Variants in BAZ1A observed in about 807,000 individuals in gnomAD.
BAZ1A encodes the protein bromodomain adjacent to zinc finger domain 1A, also known as bromodomain adjacent to zinc finger domain protein 1A.
BAZ1A carries 50 observed loss-of-function variants against 185.2 expected under a neutral mutation model. The ratio of observed to expected loss-of-function variants is 0.27; its 90% CI spans 0.22 to 0.34. BAZ1A has a LOEUF of 0.34. BAZ1A is among the 10% of genes least tolerant of loss of function. The pLI is 1.00. For synonymous variants in BAZ1A, 571 were observed against 615.6 expected (o/e 0.93, Z 1.07); for missense variants, 1,356 against 1,839.9 (o/e 0.74, Z 4.81).
chr14:34,852,509 C>T (rs2042613397), intron 3 of BAZ1A, among the ~76,000 whole-genome samples: 1 of 152,054 alleles, frequency 6.6e-6, no homozygotes, highest in South Asian at 2.1e-4. Context: ...TTCCCAGCTA[C>T]TTGGGAGGCT....
chr14:34,862,347 CA>C, intron 2 of BAZ1A, 25 bp from the exon 3 acceptor site: 1 of 1,581,342 alleles, frequency 6.3e-7, no homozygotes, highest in Non-Finnish European at 8.6e-7. Context: ...AAAACAAAAA[CA>C]AAAGCCCATT....
At chr14:34,854,289 G>A (rs573371468) in intron 3 of BAZ1A, among the ~76,000 whole-genome samples, 11 of 152,094 alleles carry the variant, frequency 7.2e-5, no homozygotes, top group African/African-American at 1.9e-4. Flanking sequence ...GGTCATGGTG[G>A]TGGATGCCTG....
intron 4 of BAZ1A, among the ~76,000 whole-genome samples, chr14:34,824,043 G>A (rs996280513): frequency 2.0e-5 from 3 of 151,786 alleles, no homozygotes; most frequent in African/African-American, 7.3e-5. Flanking sequence ...GGAAGACATG[G>A]ACAAGTAATA....
Position 34,777,660 on chromosome 14 carries a change from G to A in BAZ1A, c.2237-1145C>T, listed in dbSNP as rs4982210. Among the ~76,000 whole-genome samples the A allele has an allele frequency of 7.0e-3, 937 of 133,608 alleles. 35 individuals carry two copies. Among genetic ancestry groups the A allele is most frequent in the Admixed American group, 0.058 (764 of 13,138 alleles). 87.7% of individuals were successfully genotyped at this position (133,608 alleles called of 152,430 possible). The stretch of plus-strand genomic sequence containing the variant: ...CTCTGTCTCCAAAAAAAAAAAAAAA[G>A]GGAAAATTCCTTTTTAGCTTAGCTT... On this transcript the variant is annotated intron_variant, in intron 17 of 26. Coordinates refer to ENST00000360310, the MANE Select transcript of BAZ1A (RefSeq NM_013448.3).
chr14:34,845,859 C>CAAAA (rs3062591), intron 3 of BAZ1A, among the ~76,000 whole-genome samples: 1 of 115,198 alleles, frequency 8.7e-6, no homozygotes, highest in Admixed American at 8.9e-5. Context: ...GACTCTGTCT[C>CAAAA]AAAAAAAAAA....
At chr14:34,770,287 G>A (rs1489189680) in intron 21 of BAZ1A, among the ~76,000 whole-genome samples, 2 of 152,114 alleles carry the variant, frequency 1.3e-5, no homozygotes, top group Non-Finnish European at 2.9e-5. Context: ...CCAAGTAGCT[G>A]GGATTACAGG....
At chr14:34,812,743 A>G (rs1362186603) in intron 4 of BAZ1A, among the ~76,000 whole-genome samples, 3 of 152,218 alleles carry the variant, frequency 2.0e-5, no homozygotes, top group Non-Finnish European at 4.4e-5. Context: ...GGCAATGAGA[A>G]TAAGATATAA....
At position 34,841,093 on chromosome 14, in the gene BAZ1A, C is replaced by A. The variant is rs367896390; in HGVS notation, c.393-14937G>T. Among the ~76,000 whole-genome samples the A allele has an allele frequency of 7.9e-5, 12 of 152,144 alleles. No individual in the cohort carries two copies. The East Asian group carries it at 1.2e-3, about 15-fold the overall frequency. ...CCTCCCAAGTAGGTGGGATTATAGG[C>A]ACCCGCCATCATGCCCTGCTAATTT... On this transcript the variant is annotated intron_variant, in intron 3 of 26. Transcript: ENST00000360310.
chr14:34,828,560 A>AAAGT (rs978160789), intron 3 of BAZ1A: 1 of 151,740 alleles, frequency 6.6e-6, no homozygotes, highest in Non-Finnish European at 1.5e-5. Flanking sequence ...AAAATGAAAG[A>AAAGT]AGAGATCTTC....
At chr14:34,822,816 G>A (rs1200205049) in intron 4 of BAZ1A, among the ~76,000 whole-genome samples, 1 of 152,094 alleles carries the variant, frequency 6.6e-6, no homozygotes, top group African/African-American at 2.4e-5. Context: ...TGCACCAATG[G>A]AAGTCTTCTT....
chr14:34,771,471 A>G lies in BAZ1A; in HGVS notation c.3301+40T>C, dbSNP rs996716846. Reference sequence around the variant, plus strand: ...GTTAAAGGCCAACTCAAAATTACTTATAACACAACTAATATTTTGAAATAA... The same window carrying G: ...GTTAAAGGCCAACTCAAAATTACTTGTAACACAACTAATATTTTGAAATAA... On this transcript the variant is annotated intron_variant, in intron 21 of 26. Coordinates refer to ENST00000360310, the MANE Select transcript of BAZ1A (RefSeq NM_013448.3). 3.2e-6 allele frequency: 5 copies of G among 1,565,322 alleles called. No individual in the cohort carries two copies. In the African/African-American group the frequency reaches 6.9e-5, roughly 21 times the overall value.
chr14:34,872,941 A>AAAAAAAAAAAAAAAAC (rs1555346584), intron 2 of BAZ1A, among the ~76,000 whole-genome samples: 4 of 122,680 alleles, frequency 3.3e-5, no homozygotes, highest in African/African-American at 1.3e-4. Flanking sequence ...AAAAAAAAAA[A>AAAAAAAAAAAAAAAAC]CTTGTCCAAT....
chr14:34,790,699 G>A (rs954346403), intron 12 of BAZ1A, among the ~76,000 whole-genome samples: 1 of 152,060 alleles, frequency 6.6e-6, no homozygotes, highest in Non-Finnish European at 1.5e-5. Context: ...TGTCGCCCAG[G>A]CTAAATATTT....
intron 7 of BAZ1A, among the ~76,000 whole-genome samples, chr14:34,802,475 A>G (rs1313802932): frequency 6.6e-6 from 1 of 152,216 alleles, no homozygotes; most frequent in Non-Finnish European, 1.5e-5. Flanking sequence ...TACAGGCAAG[A>G]GCCACTGTGC....
intron 4 of BAZ1A, among the ~76,000 whole-genome samples, chr14:34,820,157 T>G (rs1375917941): frequency 3.1e-5 from 4 of 130,538 alleles, no homozygotes; most frequent in Non-Finnish European, 6.4e-5. Flanking sequence ...AGACAGGGTC[T>G]GGCTTTGTCA....
At chr14:34,803,623 T>G (rs1881696821) in intron 6 of BAZ1A, among the ~76,000 whole-genome samples, 1 of 68,026 alleles carries the variant, frequency 1.5e-5, no homozygotes, top group African/African-American at 6.1e-5. Flanking sequence ...ACAAATTTTG[T>G]GAGATTTTCT....
intron 3 of BAZ1A, among the ~76,000 whole-genome samples, chr14:34,859,442 A>G (rs2042734326): frequency 6.6e-6 from 1 of 152,122 alleles, no homozygotes. Context: ...AAAAAAAAAA[A>G]AAATCCACAG....
chr14:34,837,857 C>T (rs999773654), intron 3 of BAZ1A, among the ~76,000 whole-genome samples: 3 of 152,156 alleles, frequency 2.0e-5, no homozygotes, highest in Non-Finnish European at 4.4e-5. Context: ...GCAAGGTTAA[C>T]ATTTTAAGAT....
intron 5 of BAZ1A, among the ~76,000 whole-genome samples, chr14:34,808,941 C>G (rs928448602): frequency 4.6e-5 from 7 of 152,132 alleles, no homozygotes; most frequent in African/African-American, 1.7e-4. Context: ...AAAATGTATA[C>G]AGTTAGCCCT....
Sources: allele counts gnomAD v4.1 joint callset (sites outside exome capture counted in the v4.1 genomes callset), GRCh38; gene constraint gnomAD v4.1.1; transcripts MANE v1.5; gene names NCBI Gene and HGNC (gene_info 2026-07-23, HGNC 2026-07-21).